MKNK2: variants seen among roughly 807,000 people sequenced by gnomAD.
The protein encoded by MKNK2 is MAPK interacting serine/threonine kinase 2.
Under a neutral mutation model 55.0 loss-of-function variants are expected in MKNK2, and 54 were observed. The ratio of observed to expected loss-of-function variants is 0.98; its 90% CI spans 0.79 to 1.23. The LOEUF (loss-of-function observed/expected upper bound fraction) is 1.23, where lower values mean the gene tolerates loss of function less well. Among genes scored for constraint, MKNK2 ranks in the 50% most tolerant of loss-of-function variants. The pLI, the probability that MKNK2 is intolerant of heterozygous loss-of-function variation, is 0.00. For missense variants in MKNK2, 685 were observed against 632.1 expected (o/e 1.08, Z -0.90); for synonymous variants, 323 against 256.0 (o/e 1.26, Z -2.50).
intron 5 of MKNK2, among the ~76,000 whole-genome samples, chr19:2,044,524 T>C (rs2016958314): frequency 6.6e-6 from 1 of 152,074 alleles, no homozygotes; most frequent in South Asian, 2.1e-4. Context: ...CTGGACATGT[T>C]AGCCCCTCTC....
At chr19:2,044,081 T>C (rs1340530049) in intron 5 of MKNK2, among the ~76,000 whole-genome samples, 1 of 136,422 alleles carries the variant, frequency 7.3e-6, no homozygotes. Flanking sequence ...TTCTGCAAAA[T>C]ACCCCCACAG....
Position 2,038,583 on chromosome 19 carries a change from G to A in MKNK2, c.*1030C>T. On this transcript the variant is annotated 3_prime_UTR_variant, in exon 14 of 14. Transcript: ENST00000250896. ...AGACCAAAAACACTGCCCTGGGGGT[G>A]AGGATTCGGCCAGACCCCGGGGTCT... is the stretch of plus-strand genomic sequence containing the variant. 2.0e-6 allele frequency: 2 copies of A among 985,434 alleles called. No individual in the cohort carries two copies. The highest frequency in any genetic ancestry group is 2.4e-6 in the Non-Finnish European group (2 of 829,910). The allele number at this position is 985,434 out of a possible 1,614,324, so 61.0% of individuals were successfully genotyped here.
chr19:2,039,820 A>T lies in MKNK2; in HGVS notation c.1191T>A (p.Ala397=). 6.2e-7 allele frequency: 1 copy of T among 1,603,218 alleles called. No homozygotes were observed. The highest frequency in any genetic ancestry group is 8.5e-7 in the Non-Finnish European group (1 of 1,178,176). ...GCTGCCGGTTCATGGCAATGGCCTCAGCCGCGAAGGACGTGAGGTCTTTGG... is the reference window on the plus strand; with the variant it reads ...GCTGCCGGTTCATGGCAATGGCCTCTGCCGCGAAGGACGTGAGGTCTTTGG... ...SCAKDLTSFA[A]EAIAMNRQLA... The change falls in exon 14 of 14, where the codon GCT becomes GCA. Residue 397 remains alanine, a synonymous_variant. Transcript: ENST00000250896.
chr19:2,040,572 C>T (rs1015679688), intron 12 of MKNK2: 9 of 282,930 alleles, frequency 3.2e-5, no homozygotes, highest in Non-Finnish European at 5.4e-5. Flanking sequence ...CACAGAGTGA[C>T]CCCAGCTTCT....
chr19:2,040,353 G>A (rs1054067780), intron 12 of MKNK2, 176 bp from the exon 13 acceptor site: 7 of 576,680 alleles, frequency 1.2e-5, no homozygotes, highest in Admixed American at 6.9e-5. Flanking sequence ...TCCCTATGGT[G>A]AGGCTCCATG....
rs1213845277 is a variant in MKNK2 at position 2,046,662 on chromosome 19, G to A, written c.81C>T (p.Ser27=). The A allele has an allele frequency of 1.3e-6, 2 of 1,551,266 alleles. No individual in the cohort carries two copies. The highest frequency in any genetic ancestry group is 1.7e-6 in the Non-Finnish European group (2 of 1,149,644). ...KGQNPFELAF[S]LDQPDHGDSD... ...AGTCTCCGTGGTCGGGCTGGTCTAG[G>A]GAGAAGGCCAGCTCGAAGGGGTTCT... The change falls in exon 3 of 14, where the codon TCC becomes TCT. Residue 27 remains serine (S), a synonymous_variant. Transcript: ENST00000250896.
chr19:2,039,636 C>A lies in MKNK2; in HGVS notation c.1375G>T (p.Val459Phe). The change falls in exon 14 of 14, where the codon GTC becomes TTC. Residue 459 changes from valine (V) to phenylalanine (F), a missense_variant. Coordinates refer to ENST00000250896, the MANE Select transcript of MKNK2 (RefSeq NM_199054.3). ...QRASLSSAPV[V>F]LVGDHA ...GGTCAGGCGTGGTCTCCCACCAGGACCACTGGGGCCGAGGACAGACTGGCC... is the reference window on the plus strand; with the variant it reads ...GGTCAGGCGTGGTCTCCCACCAGGAACACTGGGGCCGAGGACAGACTGGCC... 1 of 1,612,810 alleles carries A rather than the reference C, an allele frequency of 6.2e-7. No individual in the cohort carries two copies. The highest frequency in any genetic ancestry group is 8.5e-7 in the Non-Finnish European group (1 of 1,179,750).
Position 2,038,699 on chromosome 19 carries a change from C to T in MKNK2, c.*914G>A. 1 of 985,664 alleles carries T rather than the reference C, an allele frequency of 1.0e-6. No homozygotes were observed. Among genetic ancestry groups the T allele is most frequent in the Non-Finnish European group, 1.2e-6 (1 of 830,078 alleles). 61.1% of individuals were successfully genotyped at this position (985,664 alleles called of 1,614,324 possible). A position where few individuals can be genotyped will look rare whatever the true frequency, so the allele number is the denominator to read the frequency against. ...GAGGCAGGACGTGGCTACGGTCAGA[C>T]TGAGCCCTGAGAAGGGGCACTCGGG... is the stretch of plus-strand genomic sequence containing the variant. On this transcript the variant is annotated 3_prime_UTR_variant, in exon 14 of 14. Transcript: ENST00000250896.
Position 2,050,877 on chromosome 19 carries a change from G to C in MKNK2, c.-26C>G, listed in dbSNP as rs1290543275. On this transcript the variant is annotated 5_prime_UTR_variant, in exon 2 of 14. Transcript: ENST00000250896. ...CTTCTGTCCGGGCCCCGCCAGCGGG[G>C]GAGGGGACCGAGGGCCCGGGGGGAG... The C allele has an allele frequency of 1.3e-6, 2 of 1,507,536 alleles. No homozygotes were observed. The highest frequency in any genetic ancestry group is 1.8e-6 in the Non-Finnish European group (2 of 1,128,624). 93.4% of individuals were successfully genotyped at this position (1,507,536 alleles called of 1,614,324 possible). A position where few individuals can be genotyped will look rare whatever the true frequency, so the allele number is the denominator to read the frequency against.
intron 2 of MKNK2, among the ~76,000 whole-genome samples, chr19:2,047,984 C>G (rs1323471054): frequency 6.6e-6 from 1 of 152,184 alleles, no homozygotes; most frequent in Non-Finnish European, 1.5e-5. Context: ...GCCCCCCAAC[C>G]CCGCAGCTAC....
Position 2,038,177 on chromosome 19 carries a change from C to A in MKNK2, c.*1436G>T. On this transcript the variant is annotated 3_prime_UTR_variant, in exon 14 of 14. Coordinates refer to ENST00000250896, the MANE Select transcript of MKNK2 (RefSeq NM_199054.3). ...AGGGCCAGGCAGACGGTCTCCGAGGCCCCCACCCCCAGGCCCCCCGACATT... is the reference window on the plus strand; with the variant it reads ...AGGGCCAGGCAGACGGTCTCCGAGGACCCCACCCCCAGGCCCCCCGACATT... 9.8e-7 allele frequency: 1 copy of A among 1,021,482 alleles called. No individual in the cohort carries two copies. The highest frequency in any genetic ancestry group is 1.2e-6 in the Non-Finnish European group (1 of 854,834). 63.3% of individuals were successfully genotyped at this position (1,021,482 alleles called of 1,614,324 possible).
At chr19:2,040,202 G>A (rs1267596220) in intron 12 of MKNK2, 25 bp from the exon 13 acceptor site, 1 of 1,549,610 alleles carries the variant, frequency 6.5e-7, no homozygotes, top group Non-Finnish European at 8.7e-7. Flanking sequence ...GGCGGGGGCA[G>A]GGCTGGAGAG....
chr19:2,044,643 T>C (rs907771626), intron 5 of MKNK2, among the ~76,000 whole-genome samples: 6 of 152,220 alleles, frequency 3.9e-5, no homozygotes, highest in African/African-American at 1.4e-4. Context: ...CCCTGGCTCC[T>C]GCCTCTGCAG....
At position 2,046,171 on chromosome 19, in the gene MKNK2, G is replaced by A. The variant is rs1259081307; in HGVS notation, c.339+15C>T. The A allele has an allele frequency of 9.3e-6, 15 of 1,606,372 alleles. No homozygotes were observed. The highest frequency in any genetic ancestry group is 1.7e-5 in the Admixed American group (1 of 60,002). ...CCCAAGGCGCTGGGTTCCCCAGGGCGCGGCGCGGGCCCACCTTGACGGCGT... is the reference window on the plus strand; with the variant it reads ...CCCAAGGCGCTGGGTTCCCCAGGGCACGGCGCGGGCCCACCTTGACGGCGT... On this transcript the variant is annotated intron_variant, in intron 5 of 13. Coordinates refer to ENST00000250896, the MANE Select transcript of MKNK2 (RefSeq NM_199054.3).
intron 12 of MKNK2, chr19:2,040,679 G>A (rs564379854): frequency 1.2e-5 from 4 of 330,744 alleles, no homozygotes; most frequent in African/African-American, 2.1e-5. Flanking sequence ...AGGCCACACA[G>A]GGAAGGGTGG....
In MKNK2 at chr19:2,041,894, G is replaced by A; in HGVS notation, c.891C>T (p.Gly297=). 5.8e-6 allele frequency: 9 copies of A among 1,544,426 alleles called. No individual in the cohort carries two copies. The highest frequency in any genetic ancestry group is 1.2e-5 in the South Asian group (1 of 83,818). The change falls in exon 11 of 14, where the codon GGC becomes GGT. Residue 297 remains glycine, a synonymous_variant. Coordinates refer to ENST00000250896, the MANE Select transcript of MKNK2 (RefSeq NM_199054.3). ...ILLSGYPPFV[G]RCGSDCGWDR... ...CCCAGCCGCAGTCGCTGCCACAGCG[G>A]CCCACGAAGGGCGGGTAGCCGCTGA...
chr19:2,050,834 TG>T lies in MKNK2; in HGVS notation c.17del (p.Pro6GlnfsTer23). ...AACGGTGGAAACCCTGAAGTTCGGC[TG>T]GTTTCTTCTGCACCATCTTCTGTCC... MVQKKPAELQGFHRSF... is the reference protein window; with the variant it reads MVQKKXAELQGFHRSF... On this transcript the variant is annotated frameshift_variant, in exon 2 of 14. Coordinates refer to ENST00000250896, the MANE Select transcript of MKNK2 (RefSeq NM_199054.3). LOFTEE classifies it high-confidence loss of function. The T allele has an allele frequency of 6.5e-7, 1 of 1,536,760 alleles. No homozygotes were observed.
intron 7 of MKNK2, 74 bp downstream of exon 7, chr19:2,043,050 C>T (rs2016926904): frequency 1.5e-6 from 2 of 1,366,726 alleles, no homozygotes; most frequent in East Asian, 4.6e-5. Context: ...CCCCCTCCTG[C>T]AGGTGGCACT....
chr19:2,046,495 C>G (rs760342164), intron 3 of MKNK2, 27 bp from the exon 4 acceptor site: 1 of 1,599,330 alleles, frequency 6.3e-7, no homozygotes, highest in Admixed American at 1.7e-5. Flanking sequence ...GCCCAGGGGG[C>G]TCAGGACATG....
Sources: allele counts gnomAD v4.1 joint callset (sites outside exome capture counted in the v4.1 genomes callset), GRCh38; gene constraint gnomAD v4.1.1; transcripts MANE v1.5; gene names NCBI Gene and HGNC (gene_info 2026-07-23, HGNC 2026-07-21).